TUSC3: variants seen among roughly 807,000 people sequenced by gnomAD.
TUSC3 encodes tumor suppressor candidate 3, also known as dolichyl-diphosphooligosaccharide--protein glycosyltransferase subunit TUSC3.
A neutral mutation model predicts 44.8 loss-of-function variants in TUSC3; 45 were observed. That is an observed-to-expected ratio of 1.00 (90% CI 0.79 to 1.29). The LOEUF (loss-of-function observed/expected upper bound fraction) is 1.29, where lower values mean the gene tolerates loss of function less well. Ranked by LOEUF, TUSC3 falls within the 50% of genes most tolerant of loss-of-function variation. The pLI, the probability that TUSC3 is intolerant of heterozygous loss-of-function variation, is 0.00. For synonymous variants in TUSC3, 212 were observed against 152.9 expected (o/e 1.39, Z -2.85); for missense variants, 519 against 437.9 (o/e 1.19, Z -1.65).
chr8:15,586,942 A>C (rs1803627547), intron 1 of TUSC3, among the ~76,000 whole-genome samples: 1 of 152,158 alleles, frequency 6.6e-6, no homozygotes, highest in South Asian at 2.1e-4. Flanking sequence ...AAAATAAGCC[A>C]TCCTAGTGAT....
intron 2 of TUSC3, among the ~76,000 whole-genome samples, chr8:15,522,424 G>T (rs944595660): frequency 6.6e-6 from 1 of 151,996 alleles, no homozygotes; most frequent in Admixed American, 6.6e-5. Flanking sequence ...GTAGAGAAAG[G>T]GTTTCGCCAT....
chr8:15,715,693 A>G (rs1414642188), intron 6 of TUSC3, among the ~76,000 whole-genome samples: 1 of 150,346 alleles, frequency 6.7e-6, no homozygotes, highest in African/African-American at 2.5e-5. Context: ...TTCCTGATGT[A>G]AAACAGAAAA....
the TUSC3 span, among the ~76,000 whole-genome samples, chr8:15,805,788 C>A: frequency 6.6e-6 from 1 of 151,752 alleles, no homozygotes; most frequent in Non-Finnish European, 1.5e-5. Flanking sequence ...TTTGTTGTGT[C>A]CTGTGAGGTT....
At chr8:15,788,937 G>C in the TUSC3 span, among the ~76,000 whole-genome samples, 1 of 152,156 alleles carries the variant, frequency 6.6e-6, no homozygotes, top group African/African-American at 2.4e-5. Flanking sequence ...GCAGGTGTTA[G>C]ATTATTAGGA....
At chr8:15,524,705 C>G (rs1470459539) in intron 2 of TUSC3, among the ~76,000 whole-genome samples, 2 of 152,098 alleles carry the variant, frequency 1.3e-5, no homozygotes, top group East Asian at 3.9e-4. Context: ...TTTAGACACC[C>G]AAACCTAAAG....
the TUSC3 span, among the ~76,000 whole-genome samples, chr8:15,802,097 A>G: frequency 6.6e-6 from 1 of 152,302 alleles, no homozygotes; most frequent in South Asian, 2.1e-4. Flanking sequence ...TGTTCCGTTC[A>G]TGCGCCTGTG....
At chr8:15,449,156 C>T (rs1800160125) in intron 1 of TUSC3, among the ~76,000 whole-genome samples, 2 of 152,102 alleles carry the variant, frequency 1.3e-5, no homozygotes, top group Admixed American at 1.3e-4. Flanking sequence ...AAGCTGAAAA[C>T]AGGTATTTCC....
the TUSC3 span, among the ~76,000 whole-genome samples, chr8:15,788,628 C>T: frequency 6.6e-6 from 1 of 151,776 alleles, no homozygotes; most frequent in African/African-American, 2.4e-5. Context: ...ATCCAGACTG[C>T]CTACCCCGGG....
At chr8:15,758,910 G>A (rs867867850) in intron 10 of TUSC3, among the ~76,000 whole-genome samples, 2 of 152,052 alleles carry the variant, frequency 1.3e-5, no homozygotes, top group South Asian at 4.2e-4. Flanking sequence ...CTCAATAAAG[G>A]CCTAGATTTC....
chr8:15,767,882 G>C (rs1812371996), downstream of TUSC3, among the ~76,000 whole-genome samples: 1 of 152,148 alleles, frequency 6.6e-6, no homozygotes, highest in Admixed American at 6.6e-5. Flanking sequence ...GGAAGGAAAA[G>C]CTGGATAGTG....
At chr8:15,520,710 G>A (rs1238449277) in intron 2 of TUSC3, among the ~76,000 whole-genome samples, 3 of 152,108 alleles carry the variant, frequency 2.0e-5, no homozygotes, top group African/African-American at 7.2e-5. Context: ...CTCTACCTAT[G>A]CAATTCCGTT....
chr8:15,748,423 T>C lies in TUSC3; in HGVS notation c.986T>C (p.Leu329Pro), dbSNP rs1811516722. 6.2e-7 allele frequency: 1 copy of C among 1,613,432 alleles called. No homozygotes were observed. Among genetic ancestry groups the C allele is most frequent in the Non-Finnish European group, 8.5e-7 (1 of 1,179,584 alleles). The stretch of plus-strand genomic sequence containing the variant: ...CTGGTGGTCTTCTTCTTCAGTTTTC[T>C]ACTTTCAATATTTCGTTCCAAGTAC... Reference protein sequence around the residue: ...LGLVVFFFSFLLSIFRSKYHG... With the variant: ...LGLVVFFFSFPLSIFRSKYHG... The change falls in exon 9 of 11, where the codon CTA becomes CCA. Residue 329 changes from leucine (L) to proline (P), a missense_variant. Transcript: ENST00000503731.
the TUSC3 span, among the ~76,000 whole-genome samples, chr8:15,825,885 CTTT>C: frequency 0.18 from 21,557 of 120,304 alleles, 2,028 homozygotes; most frequent in African/African-American, 0.29. Flanking sequence ...ACAGTTGTTT[CTTT>C]TTTTTTTTTT....
chr8:15,750,544 G>C (rs529713267), intron 9 of TUSC3, among the ~76,000 whole-genome samples: 2 of 151,674 alleles, frequency 1.3e-5, no homozygotes, highest in Non-Finnish European at 2.9e-5. Flanking sequence ...TTTTTTTCAA[G>C]TAGTAGTTGT....
At chr8:15,752,286 A>G (rs1275090487) in intron 9 of TUSC3, among the ~76,000 whole-genome samples, 1 of 152,058 alleles carries the variant, frequency 6.6e-6, no homozygotes, top group Non-Finnish European at 1.5e-5. Context: ...GGGAAGAGAA[A>G]TATGTTCATG....
chr8:15,598,977 T>C (rs1804174732), intron 1 of TUSC3, among the ~76,000 whole-genome samples: 1 of 151,726 alleles, frequency 6.6e-6, no homozygotes, highest in Non-Finnish European at 1.5e-5. Flanking sequence ...ATTTGCTGGA[T>C]CAAGTGGTTA....
At chr8:15,626,836 C>T (rs1300625765) in intron 2 of TUSC3, among the ~76,000 whole-genome samples, 1 of 152,170 alleles carries the variant, frequency 6.6e-6, no homozygotes, top group East Asian at 1.9e-4. Flanking sequence ...TGAGGGGGGC[C>T]CTGAGGGAAG....
At chr8:15,534,643 TAA>T (rs11385742) in intron 2 of TUSC3, among the ~76,000 whole-genome samples, 4 of 129,884 alleles carry the variant, frequency 3.1e-5, no homozygotes, top group Non-Finnish European at 3.2e-5. Flanking sequence ...ACTCGGTCTT[TAA>T]AAAAAAAAAA....
At chr8:15,522,460 C>T (rs761116786) in intron 2 of TUSC3, among the ~76,000 whole-genome samples, 4 of 151,714 alleles carry the variant, frequency 2.6e-5, no homozygotes, top group Non-Finnish European at 4.4e-5. Flanking sequence ...CTTGAACTCC[C>T]GAACTCAGGT....
Sources: allele counts gnomAD v4.1 joint callset (sites outside exome capture counted in the v4.1 genomes callset), GRCh38; gene constraint gnomAD v4.1.1; transcripts MANE v1.5; gene names NCBI Gene and HGNC (gene_info 2026-07-23, HGNC 2026-07-21).